The following ALDH7A1 variants were observed in gnomAD, a reference collection of about 807,000 sequenced individuals.
ALDH7A1 encodes the protein alpha-aminoadipic semialdehyde dehydrogenase.
Under a neutral mutation model 79.9 loss-of-function variants are expected in ALDH7A1, and 63 were observed. The ratio of observed to expected loss-of-function variants is 0.79; its 90% confidence interval spans 0.64 to 0.97. ALDH7A1 has a LOEUF of 0.97. Among genes scored for constraint, ALDH7A1 ranks in the 50% least tolerant of loss-of-function variants. The probability of loss-of-function intolerance (pLI) is 0.00; values close to 1 mark genes in which losing one functional copy is unlikely to be tolerated. For synonymous variants in ALDH7A1, 240 were observed against 231.2 expected (o/e 1.04, Z -0.34); for missense variants, 627 against 665.2 (o/e 0.94, Z 0.63).
chr5:126,587,676 A>G (rs974044915), intron 3 of ALDH7A1: 6 of 152,170 alleles, frequency 3.9e-5, no homozygotes, highest in African/African-American at 1.5e-4. Flanking sequence ...ACTCAAATGA[A>G]CTACATGAAA....
chr5:126,594,438 ATTTT>A (rs34684581), intron 1 of ALDH7A1: 475 of 185,278 alleles, frequency 2.6e-3, no homozygotes, highest in South Asian at 5.7e-3. Flanking sequence ...TAAGGTTTTA[ATTTT>A]TTTTTTTTTT....
intron 7 of ALDH7A1, chr5:126,571,206 G>C (rs1750761399): frequency 3.3e-6 from 1 of 302,896 alleles, no homozygotes; most frequent in Non-Finnish European, 6.2e-6. Context: ...GGCCAGGTGT[G>C]GTGGCTCATG....
chr5:126,576,301 T>C (rs551934062), intron 6 of ALDH7A1, among the ~76,000 whole-genome samples: 29 of 146,734 alleles, frequency 2.0e-4, no homozygotes, highest in South Asian at 1.1e-3. Flanking sequence ...ACAAGCAGAG[T>C]TTTTTCTCTT....
chr5:126,564,246 T>G (rs1750496046), intron 9 of ALDH7A1: 1 of 199,304 alleles, frequency 5.0e-6, no homozygotes, highest in Non-Finnish European at 1.0e-5. Context: ...AACCTCTGCC[T>G]CTGGGTTCAA....
At chr5:126,550,967 T>C (rs913202109) in intron 14 of ALDH7A1, among the ~76,000 whole-genome samples, 1 of 152,210 alleles carries the variant, frequency 6.6e-6, no homozygotes, top group African/African-American at 2.4e-5. Flanking sequence ...GGGAATGAGA[T>C]CTTCTAATTT....
intron 2 of ALDH7A1, 37 bp downstream of exon 2, chr5:126,593,306 TAAACACAC>T: frequency 1.6e-6 from 2 of 1,274,342 alleles, no homozygotes. Context: ...TAATTTGAAT[TAAACACAC>T]ACACACACAC....
chr5:126,563,653 G>C (rs1487767361), intron 9 of ALDH7A1, among the ~76,000 whole-genome samples: 1 of 152,068 alleles, frequency 6.6e-6, no homozygotes, highest in Non-Finnish European at 1.5e-5. Flanking sequence ...ATCACGCCCA[G>C]CTCTTTTTTG....
At chr5:126,583,203 G>A (rs888743588) in intron 4 of ALDH7A1, among the ~76,000 whole-genome samples, 33 of 152,116 alleles carry the variant, frequency 2.2e-4, no homozygotes, top group Admixed American at 6.6e-5. Context: ...AAGTACAACC[G>A]GGCACAGTGG....
In ALDH7A1 at chr5:126,592,744, A is replaced by AGG; in HGVS notation, c.247-17_247-16dup. 6.2e-7 allele frequency: 1 copy of AGG among 1,609,898 alleles called. No individual in the cohort carries two copies. The highest frequency in any genetic ancestry group is 8.5e-7 in the Non-Finnish European group (1 of 1,176,364). The stretch of plus-strand genomic sequence containing the variant: ...GCCACACTGGCCTAAATTAAGAATT[A>AGG]GGGGGACAGAAAGGGGGAAATAAAG... On this transcript the variant is annotated splice_polypyrimidine_tract_variant and intron_variant, in intron 2 of 17. Transcript: ENST00000409134.
intron 10 of ALDH7A1, among the ~76,000 whole-genome samples, chr5:126,559,712 C>T (rs999151040): frequency 4.1e-4 from 62 of 151,964 alleles, no homozygotes; most frequent in Non-Finnish European, 8.7e-4. Flanking sequence ...GGATTACAGG[C>T]GTGAGCCACT....
At position 126,581,446 on chromosome 5, in the gene ALDH7A1, G is replaced by A. The variant is rs561850648; in HGVS notation, c.517+1405C>T. 8 of 149,514 alleles carry A rather than the reference G, an allele frequency of 5.4e-5. No homozygotes were observed. The South Asian group carries it at 1.7e-3, about 32-fold the overall frequency. 9.3% of individuals were successfully genotyped at this position (149,514 alleles called of 1,614,324 possible). On this transcript the variant is annotated intron_variant, in intron 5 of 17. Transcript: ENST00000409134. ...AGCCCCGGAGTTCGAGACCAGCTGG[G>A]CAACACTGCAAAACCCCACCTCTAC...
rs184844361 is a variant in ALDH7A1, at chr5:126,545,611, C to A, written c.1566-592G>T. Among the ~76,000 whole-genome samples, 75 of 147,982 alleles carry A rather than the reference C, an allele frequency of 5.1e-4. No individual in the cohort carries two copies. In the East Asian group the frequency reaches 0.013, roughly 26 times the overall value. ...GACCAGCCTGGCCAACATGGTGAAA[C>A]CCGGTCTCTACTAAAAATGCAAAAA... On this transcript the variant is annotated intron_variant, in intron 17 of 17. Coordinates refer to ENST00000409134, the MANE Select transcript of ALDH7A1 (RefSeq NM_001182.5).
At chr5:126,570,345 C>A in intron 8 of ALDH7A1, 2 of 193,784 alleles carry the variant, frequency 1.0e-5, no homozygotes, top group African/African-American at 2.4e-5. Flanking sequence ...AAGAAAAAAA[C>A]AATTTTACTA....
In ALDH7A1 at chr5:126,561,067, A is replaced by T; in HGVS notation, c.913+16T>A. On this transcript the variant is annotated intron_variant, in intron 10 of 17. Transcript: ENST00000409134. ...AACTGAACAGAAAACAAACAAAAAC[A>T]AAGAGGCAGCCTTACCAATAATGGC... The T allele has an allele frequency of 6.2e-7, 1 of 1,613,344 alleles. No homozygotes were observed. The highest frequency in any genetic ancestry group is 1.1e-5 in the South Asian group (1 of 90,860).
At chr5:126,591,911 G>A (rs190445592) in intron 3 of ALDH7A1, 1 of 154,380 alleles carries the variant, frequency 6.5e-6, no homozygotes, top group Non-Finnish European at 1.4e-5. Context: ...CCTGAGAAAG[G>A]GATGCTGCCA....
Position 126,559,621 on chromosome 5 carries a change from T to C in ALDH7A1, c.914-287A>G, listed in dbSNP as rs7706009. ...CTAATTTTTGTCTTTTTAGTAGCAATGGGGTGTCACCATGTTGGTCAGGCC... is the reference window on the plus strand; with the variant it reads ...CTAATTTTTGTCTTTTTAGTAGCAACGGGGTGTCACCATGTTGGTCAGGCC... On this transcript the variant is annotated intron_variant, in intron 10 of 17. Transcript: ENST00000409134. Among the ~76,000 whole-genome samples, 105,897 of 151,668 alleles carry C rather than the reference T, an allele frequency of 0.7. 37,193 individuals carry two copies. Among genetic ancestry groups the C allele is most frequent in the Admixed American group, 0.77 (11,731 of 15,232 alleles).
At chr5:126,556,945 C>A (rs771910887) in intron 11 of ALDH7A1, among the ~76,000 whole-genome samples, 6 of 152,140 alleles carry the variant, frequency 3.9e-5, no homozygotes, top group Non-Finnish European at 5.9e-5. Context: ...CTAAGGAAAT[C>A]TATTTGGACA....
At chr5:126,558,144 G>A (rs1750266825) in intron 11 of ALDH7A1, among the ~76,000 whole-genome samples, 2 of 124,848 alleles carry the variant, frequency 1.6e-5, no homozygotes, top group Non-Finnish European at 1.6e-5. Context: ...TCCAACCTGG[G>A]CAACAGAGCG....
rs1485262960 is a variant in ALDH7A1 at position 126,543,280 on chromosome 5, T to C, written c.*1685A>G. ...TTATAACCAAAAAAAATTGAGTCCT[T>C]GTGCTAGAAACATGTAGAAGAAAAA... On this transcript the variant is annotated 3_prime_UTR_variant, in exon 18 of 18. Coordinates refer to ENST00000409134, the MANE Select transcript of ALDH7A1 (RefSeq NM_001182.5). 2.0e-5 allele frequency: 3 copies of C among 152,156 alleles called. No individual in the cohort carries two copies. Among genetic ancestry groups the C allele is most frequent in the Non-Finnish European group, 2.9e-5 (2 of 68,024 alleles). 9.4% of individuals were successfully genotyped at this position (152,156 alleles called of 1,614,324 possible). A position where few individuals can be genotyped will look rare whatever the true frequency, so the allele number is the denominator to read the frequency against.
Sources: gnomAD v4.1 joint callset for allele counts (sites outside exome capture counted in the v4.1 genomes callset) on GRCh38, gnomAD v4.1.1 for gene constraint, MANE v1.5 for transcripts, NCBI Gene and HGNC (gene_info 2026-07-23, HGNC 2026-07-21) for gene names.